NRXN3: variants seen among roughly 807,000 people sequenced by gnomAD.
NRXN3 encodes neurexin III.
In NRXN3, 32 loss-of-function variants were observed where a neutral mutation model predicts 137.6. The ratio of observed to expected loss-of-function variants is 0.23; its 90% CI spans 0.18 to 0.31. NRXN3 has a LOEUF of 0.31. NRXN3 is among the 10% of genes least tolerant of loss of function. The pLI is 1.00. For missense variants in NRXN3, 1,574 were observed against 2,062.5 expected (o/e 0.76, Z 4.59); for synonymous variants, 798 against 784.5 (o/e 1.02, Z -0.29).
intron 15 of NRXN3, among the ~76,000 whole-genome samples, chr14:79,015,675 C>T (rs545927925): frequency 5.3e-5 from 8 of 152,126 alleles, no homozygotes; most frequent in Non-Finnish European, 8.8e-5. Flanking sequence ...TGGCTCATCT[C>T]AAGAAGAATG....
At chr14:79,750,660 G>T (rs2098994412) in intron 19 of NRXN3, among the ~76,000 whole-genome samples, 1 of 152,054 alleles carries the variant, frequency 6.6e-6, no homozygotes, top group Non-Finnish European at 1.5e-5. Flanking sequence ...ACCCAATCAG[G>T]GCAGGTTATA....
intron 19 of NRXN3, among the ~76,000 whole-genome samples, chr14:79,754,571 T>TACAC (rs1228854947): frequency 3.8e-5 from 4 of 105,250 alleles, no homozygotes; most frequent in African/African-American, 1.6e-4. Flanking sequence ...TATGCACACA[T>TACAC]ACACACACAC....
intron 19 of NRXN3, among the ~76,000 whole-genome samples, chr14:79,767,990 C>T (rs1254396913): frequency 6.6e-6 from 1 of 152,200 alleles, no homozygotes; most frequent in East Asian, 1.9e-4. Context: ...GTTCCCTTTC[C>T]TAGTCAAAGA....
At chr14:78,540,662 G>A (rs1222254815) in intron 4 of NRXN3, among the ~76,000 whole-genome samples, 1 of 152,126 alleles carries the variant, frequency 6.6e-6, no homozygotes, top group East Asian at 1.9e-4. Context: ...CTGTCATTAT[G>A]ATATTCACTG....
At chr14:78,503,968 T>C (rs4903775) in intron 4 of NRXN3, among the ~76,000 whole-genome samples, 63,484 of 152,064 alleles carry the variant, frequency 0.42, 13,448 homozygotes, top group East Asian at 0.51. Flanking sequence ...ACCACAAAAG[T>C]AGAGTTCTCT....
intron 15 of NRXN3, among the ~76,000 whole-genome samples, chr14:79,184,364 A>G (rs1326372850): frequency 6.6e-6 from 1 of 152,232 alleles, no homozygotes; most frequent in Non-Finnish European, 1.5e-5. Context: ...AAAGATTCCA[A>G]GATAACATTT....
chr14:78,752,504 T>C (rs1461059196), intron 8 of NRXN3, among the ~76,000 whole-genome samples: 1 of 152,200 alleles, frequency 6.6e-6, no homozygotes, highest in Admixed American at 6.6e-5. Flanking sequence ...GGGAGTAGAA[T>C]GCAAGGCAAA....
In NRXN3 at chr14:78,709,358, G is replaced by A. The variant is rs994025980; in HGVS notation, c.1363G>A (p.Glu455Lys). Residue 455 changes from glutamate to lysine, a missense_variant, in exon 7 of 21, where the codon GAG becomes AAG. By Grantham distance (56) the Glu-to-Lys change is moderately conservative (BLOSUM62 1). Around this residue, in one of 5 missense-constraint regions of NRXN3, gnomAD observed 718 missense variants for 887.6 expected, o/e 0.81. Coordinates refer to ENST00000335750, the MANE Select transcript of NRXN3 (RefSeq NM_001330195.2). ...TLDPINFETP[E>K]AYISLPKWNT... ...GGACCCCATCAACTTTGAGACCCCA[G>A]AGGCTTACATCAGCTTGCCCAAGTG... is the stretch of plus-strand genomic sequence containing the variant. 1.2e-6 allele frequency: 2 copies of A among 1,614,154 alleles called. No individual in the cohort carries two copies. Among genetic ancestry groups the A allele is most frequent in the Admixed American group, 3.3e-5 (2 of 60,034 alleles).
At chr14:78,278,550 G>A (rs907603795) in intron 2 of NRXN3, 95 bp from the exon 3 acceptor site, 2 of 923,514 alleles carry the variant, frequency 2.2e-6, no homozygotes, top group African/African-American at 3.3e-5. Context: ...AGAGCACATT[G>A]CATTGTGTGT....
At chr14:78,807,860 A>G (rs1323356340) in intron 9 of NRXN3, among the ~76,000 whole-genome samples, 2 of 152,144 alleles carry the variant, frequency 1.3e-5, no homozygotes, top group Non-Finnish European at 2.9e-5. Flanking sequence ...ATATGAACAC[A>G]TACACATCAA....
intron 16 of NRXN3, among the ~76,000 whole-genome samples, chr14:79,512,552 A>G (rs1567342588): frequency 6.6e-6 from 1 of 152,182 alleles, no homozygotes; most frequent in African/African-American, 2.4e-5. Context: ...AACATAATAA[A>G]ATTGCTCTTT....
chr14:78,947,752 T>G (rs1042025613), intron 10 of NRXN3, among the ~76,000 whole-genome samples: 2 of 152,214 alleles, frequency 1.3e-5, no homozygotes, highest in Non-Finnish European at 2.9e-5. Flanking sequence ...CCCTGAGTGC[T>G]GACAGCAGAC....
At chr14:78,328,178 C>A (rs909405461) in intron 4 of NRXN3, among the ~76,000 whole-genome samples, 1 of 152,142 alleles carries the variant, frequency 6.6e-6, no homozygotes, top group East Asian at 1.9e-4. Flanking sequence ...TAGCTCTCTA[C>A]AGGGAAGGCT....
intron 15 of NRXN3, among the ~76,000 whole-genome samples, chr14:79,056,989 T>C (rs1307154421): frequency 1.3e-5 from 2 of 152,368 alleles, no homozygotes; most frequent in East Asian, 3.9e-4. Context: ...GATCTAACTA[T>C]AGCCCAAAGG....
chr14:79,526,932 A>T (rs2097125662), intron 16 of NRXN3, among the ~76,000 whole-genome samples: 1 of 152,214 alleles, frequency 6.6e-6, no homozygotes, highest in African/African-American at 2.4e-5. Flanking sequence ...ACAGCAAAAC[A>T]TAACAGAACC....
chr14:79,336,766 T>C (rs2092290780), intron 15 of NRXN3, among the ~76,000 whole-genome samples: 1 of 152,208 alleles, frequency 6.6e-6, no homozygotes, highest in Admixed American at 6.5e-5. Flanking sequence ...AAGGCATAAT[T>C]GAAGCACTAT....
intron 19 of NRXN3, among the ~76,000 whole-genome samples, chr14:79,768,150 C>T (rs557053393): frequency 1.3e-5 from 2 of 152,332 alleles, no homozygotes; most frequent in Admixed American, 1.3e-4. Context: ...TGATTGCTAG[C>T]ACAGCAGTCT....
chr14:79,242,142 GA>G (rs2074409859), intron 15 of NRXN3, among the ~76,000 whole-genome samples: 1 of 152,036 alleles, frequency 6.6e-6, no homozygotes, highest in African/African-American at 2.4e-5. Flanking sequence ...TATCAGATGA[GA>G]AAAACAAGAC....
At chr14:78,920,922 C>A (rs1474344982) in intron 10 of NRXN3, among the ~76,000 whole-genome samples, 2 of 152,202 alleles carry the variant, frequency 1.3e-5, no homozygotes, top group Non-Finnish European at 2.9e-5. Context: ...TCTGGAAGAT[C>A]CTCAAACCCC....
Sources: gnomAD v4.1 joint callset for allele counts (sites outside exome capture counted in the v4.1 genomes callset) on GRCh38, gnomAD v4.1.1 for gene constraint, gnomAD v4.1.1 regional missense constraint, MANE v1.5 for transcripts, NCBI Gene and HGNC (gene_info 2026-07-23, HGNC 2026-07-21) for gene names.